The following PPARD variants were observed in gnomAD, a reference collection of about 807,000 sequenced individuals.
PPARD encodes peroxisome proliferator activated receptor delta, also known as peroxisome proliferator-activated receptor delta.
A neutral mutation model predicts 39.5 loss-of-function variants in PPARD; 6 were observed. The observed-to-expected ratio is 0.15, with a 90% CI of 0.08 to 0.30. The LOEUF (loss-of-function observed/expected upper bound fraction) is 0.30. Ranked by LOEUF, PPARD falls within the 10% of genes least tolerant of loss-of-function variation. The pLI, the probability that PPARD is intolerant of heterozygous loss-of-function variation, is 1.00. For synonymous variants in PPARD, 210 were observed against 231.3 expected, an observed-to-expected ratio of 0.91 and a Z score of 0.83; for missense variants, 397 against 596.8, an observed-to-expected ratio of 0.67 and a Z score of 3.49.
intron 2 of PPARD, among the ~76,000 whole-genome samples, chr6:35,386,026 C>T (rs913726323): frequency 3.3e-5 from 5 of 152,102 alleles, no homozygotes; most frequent in African/African-American, 1.2e-4. Context: ...GACTGTGACC[C>T]TGGGCAAGTT....
chr6:35,415,803 T>TGTGTGTGTG (rs1562219892), intron 3 of PPARD, among the ~76,000 whole-genome samples: 4 of 151,414 alleles, frequency 2.6e-5, no homozygotes, highest in African/African-American at 9.8e-5. Flanking sequence ...TGTGTGTGTG[T>TGTGTGTGTG]TGAAAGAAAG....
intron 2 of PPARD, among the ~76,000 whole-genome samples, chr6:35,410,498 A>G (rs926720738): frequency 6.6e-6 from 1 of 152,084 alleles, no homozygotes; most frequent in African/African-American, 2.4e-5. Context: ...TTTTTTCCAC[A>G]CCCAACCACT....
intron 2 of PPARD, chr6:35,348,366 TAGGA>T (rs1562164659): frequency 2.0e-6 from 2 of 985,230 alleles, no homozygotes; most frequent in Non-Finnish European, 2.4e-6. Context: ...TCTGCAGGGG[TAGGA>T]GGTTCTCACC....
Position 35,422,045 on chromosome 6 carries a change from G to A in PPARD, c.424+87G>A, listed in dbSNP as rs541880117. 32 of 1,456,228 alleles carry A rather than the reference G, an allele frequency of 2.2e-5. No individual in the cohort carries two copies. In the Admixed American group the frequency reaches 7.7e-4, roughly 35 times the overall value. The allele number at this position is 1,456,228 out of a possible 1,614,324, so 90.2% of individuals were successfully genotyped here. A position where few individuals can be genotyped will look rare whatever the true frequency, so the allele number is the denominator to read the frequency against. The stretch of plus-strand genomic sequence containing the variant: ...AGGGAGCCCTTGGGGCAGCCTAGAG[G>A]GGGCACCTGTAGAGCAGTGCCTGGC... On this transcript the variant is annotated intron_variant, in intron 5 of 7. Transcript: ENST00000360694.
chr6:35,401,276 G>T lies in PPARD; in HGVS notation c.-101-9711G>T, dbSNP rs1764676890. Reference sequence around the variant, plus strand: ...CTTCCCAGACCTTGCAGGGCTCCAGGTGGCCTTCCCCTCCTGCCGACTCCC... The same window carrying T: ...CTTCCCAGACCTTGCAGGGCTCCAGTTGGCCTTCCCCTCCTGCCGACTCCC... On this transcript the variant is annotated intron_variant, in intron 2 of 7. Transcript: ENST00000360694. This position sits in a 1 kb window ranked among gnomAD's most constrained non-coding sequence, Gnocchi z 4.1. Among the ~76,000 whole-genome samples the T allele has an allele frequency of 6.6e-6, 1 of 152,120 alleles. No individual in the cohort carries two copies. The highest frequency in any genetic ancestry group is 2.4e-5 in the African/African-American group (1 of 41,406).
intron 2 of PPARD, among the ~76,000 whole-genome samples, chr6:35,391,613 T>G (rs1764006176): frequency 6.6e-6 from 1 of 152,218 alleles, no homozygotes; most frequent in African/African-American, 2.4e-5. Context: ...TCCCTGACTT[T>G]GGGAATTGCT....
chr6:35,365,130 C>CCTTTTTTTTTT (rs1281072287), intron 2 of PPARD, among the ~76,000 whole-genome samples: 6 of 121,086 alleles, frequency 5.0e-5, no homozygotes, highest in African/African-American at 2.1e-4. Context: ...CTTCCTTATT[C>CCTTTTTTTTTT]TTTTTTTTTT....
chr6:35,352,131 A>G (rs961297905), intron 2 of PPARD, among the ~76,000 whole-genome samples: 2 of 152,026 alleles, frequency 1.3e-5, no homozygotes, highest in South Asian at 2.1e-4. Context: ...TTGGCCTCCC[A>G]AAGTGCTGGG....
chr6:35,413,684 C>CTTT (rs569625848), intron 3 of PPARD, among the ~76,000 whole-genome samples: 2 of 139,720 alleles, frequency 1.4e-5, no homozygotes, highest in Non-Finnish European at 3.1e-5. Flanking sequence ...ATGTGTGATT[C>CTTT]TTTTTTTTTT....
At chr6:35,353,342 T>C (rs2150446210) in intron 2 of PPARD, among the ~76,000 whole-genome samples, 1 of 152,302 alleles carries the variant, frequency 6.6e-6, no homozygotes, top group South Asian at 2.1e-4. Context: ...TAAATCTGAG[T>C]TCCTCTGGTT....
At chr6:35,421,285 T>A (rs9658154) in intron 4 of PPARD, among the ~76,000 whole-genome samples, 6 of 149,208 alleles carry the variant, frequency 4.0e-5, no homozygotes. Flanking sequence ...CTTTAGGACT[T>A]CTTTAGACAT....
chr6:35,385,600 C>T (rs1355886440), intron 2 of PPARD, among the ~76,000 whole-genome samples: 1 of 139,314 alleles, frequency 7.2e-6, no homozygotes, highest in Non-Finnish European at 1.5e-5. Flanking sequence ...CCAAATCCCC[C>T]TCTGTGAGAA....
intron 4 of PPARD, 92 bp from the exon 5 acceptor site, chr6:35,421,728 G>C: frequency 8.3e-6 from 11 of 1,327,168 alleles, no homozygotes; most frequent in Non-Finnish European, 1.0e-5. Context: ...CAAATGTCAG[G>C]AGTGTTTACA....
At chr6:35,387,415 T>A (rs961362636) in intron 2 of PPARD, among the ~76,000 whole-genome samples, 2 of 152,128 alleles carry the variant, frequency 1.3e-5, no homozygotes, top group Non-Finnish European at 2.9e-5. Flanking sequence ...TATGTTAAAA[T>A]GTTTATTAAT....
intron 2 of PPARD, among the ~76,000 whole-genome samples, chr6:35,364,457 G>A (rs1402950733): frequency 1.2e-4 from 16 of 138,456 alleles, no homozygotes; most frequent in Admixed American, 7.4e-4. Flanking sequence ...TTTTTGAGAC[G>A]GCATCTTGCT....
chr6:35,399,815 CACT>C (rs1764582927), intron 2 of PPARD, among the ~76,000 whole-genome samples: 2 of 152,282 alleles, frequency 1.3e-5, no homozygotes, highest in South Asian at 4.1e-4. Flanking sequence ...TTGTATTTTT[CACT>C]TATGTTATTA....
chr6:35,423,095 G>C (rs562101709), intron 5 of PPARD, among the ~76,000 whole-genome samples: 1 of 150,326 alleles, frequency 6.7e-6, no homozygotes, highest in East Asian at 1.9e-4. Flanking sequence ...GCCAGGCTTG[G>C]TGGCGTGCAC....
At chr6:35,359,571 A>AC (rs971910071) in intron 2 of PPARD, among the ~76,000 whole-genome samples, 2 of 150,884 alleles carry the variant, frequency 1.3e-5, no homozygotes, top group African/African-American at 4.9e-5. Context: ...AGGAAGTCCA[A>AC]CCCCCCTGGC....
intron 4 of PPARD, 92 bp downstream of exon 4, chr6:35,420,373 G>A: frequency 6.9e-7 from 1 of 1,457,046 alleles, no homozygotes. Flanking sequence ...TTGGGGTGGG[G>A]CCCTGACTGT....
Sources: gnomAD v4.1 joint callset for allele counts (sites outside exome capture counted in the v4.1 genomes callset) on GRCh38, gnomAD v4.1.1 for gene constraint, Gnocchi (gnomAD v3.1) non-coding constraint, MANE v1.5 for transcripts, NCBI Gene and HGNC (gene_info 2026-07-23, HGNC 2026-07-21) for gene names.